KLHL20: variants seen among roughly 807,000 people sequenced by gnomAD.
KLHL20 encodes kelch like family member 20, also known as kelch-like protein 20.
In KLHL20, 29 loss-of-function variants were observed where a neutral mutation model predicts 69.5. That is an observed-to-expected ratio of 0.42 (90% CI 0.31 to 0.57). KLHL20 has a LOEUF of 0.57. KLHL20 is among the 20% of genes least tolerant of loss of function. The probability of loss-of-function intolerance (pLI) is 0.18; values close to 1 mark genes in which losing one functional copy is unlikely to be tolerated. For synonymous variants in KLHL20, 253 were observed against 265.2 expected (o/e 0.95, Z 0.45); for missense variants, 419 against 776.0 (o/e 0.54, Z 5.47).
rs539825263 is a variant in KLHL20 at position 173,751,099 on chromosome 1, G to C, written c.598-665G>C. Among the ~76,000 whole-genome samples, 9 of 152,194 alleles carry C rather than the reference G, an allele frequency of 5.9e-5. No homozygotes were observed. The East Asian group carries it at 1.7e-3, about 29-fold the overall frequency. On this transcript the variant is annotated intron_variant, in intron 3 of 11. Transcript: ENST00000209884. ...GTTTCTTTCCTCTGCGTTGCACCCTGTCCCTTTTACTCTACATTCTGATGA... is the reference window on the plus strand; with the variant it reads ...GTTTCTTTCCTCTGCGTTGCACCCTCTCCCTTTTACTCTACATTCTGATGA...
chr1:173,745,978 T>G (rs1673041651), intron 3 of KLHL20, among the ~76,000 whole-genome samples: 2 of 152,264 alleles, frequency 1.3e-5, no homozygotes, highest in South Asian at 4.1e-4. Context: ...AAAAAAAGTA[T>G]TCATGTCCAA....
chr1:173,747,454 T>C (rs895956842), intron 3 of KLHL20, among the ~76,000 whole-genome samples: 9 of 152,084 alleles, frequency 5.9e-5, no homozygotes, highest in African/African-American at 1.9e-4. Context: ...TTGTCTGATA[T>C]CTGGATTTCA....
At chr1:173,776,150 C>CATTGTA (rs1255917466) in intron 10 of KLHL20, among the ~76,000 whole-genome samples, 1 of 152,174 alleles carries the variant, frequency 6.6e-6, no homozygotes, top group East Asian at 1.9e-4. Flanking sequence ...GATGACATCT[C>CATTGTA]ATTGTAATTT....
chr1:173,734,747 C>T (rs1347540046), intron 3 of KLHL20, among the ~76,000 whole-genome samples: 2 of 152,048 alleles, frequency 1.3e-5, no homozygotes, highest in Non-Finnish European at 2.9e-5. Context: ...CTATCTTTCC[C>T]TTATTTATTT....
intron 3 of KLHL20, among the ~76,000 whole-genome samples, chr1:173,744,467 A>G (rs752150361): frequency 3.9e-5 from 6 of 151,938 alleles, no homozygotes. Context: ...TGTATTTTTG[A>G]TAATACAAAA....
intron 3 of KLHL20, among the ~76,000 whole-genome samples, chr1:173,738,627 G>A (rs1042577789): frequency 6.6e-6 from 1 of 152,154 alleles, no homozygotes; most frequent in African/African-American, 2.4e-5. Flanking sequence ...TTGGCTGCAG[G>A]TTTGTCATAG....
At chr1:173,758,236 A>C (rs1476929445) in intron 7 of KLHL20, among the ~76,000 whole-genome samples, 1 of 151,706 alleles carries the variant, frequency 6.6e-6, no homozygotes, top group Non-Finnish European at 1.5e-5. Context: ...GCGCCATTGC[A>C]CTCTAGTCTG....
intron 3 of KLHL20, among the ~76,000 whole-genome samples, chr1:173,745,804 G>A (rs1157200086): frequency 6.6e-6 from 1 of 152,038 alleles, no homozygotes; most frequent in Non-Finnish European, 1.5e-5. Flanking sequence ...GAATGCCTCT[G>A]GTGTTTTCCC....
intron 5 of KLHL20, among the ~76,000 whole-genome samples, 189 bp from the exon 6 acceptor site, chr1:173,755,734 A>T (rs1023094459): frequency 6.6e-6 from 1 of 152,228 alleles, no homozygotes; most frequent in Non-Finnish European, 1.5e-5. Flanking sequence ...ATACCAATCA[A>T]TTCACAACTC....
intron 3 of KLHL20, among the ~76,000 whole-genome samples, chr1:173,742,766 G>C (rs544516187): frequency 3.3e-5 from 5 of 150,314 alleles, no homozygotes; most frequent in African/African-American, 1.2e-4. Flanking sequence ...ATATATACAC[G>C]TATATTTCAG....
intron 2 of KLHL20, among the ~76,000 whole-genome samples, chr1:173,720,672 G>A (rs1387818024): frequency 6.6e-6 from 1 of 152,100 alleles, no homozygotes; most frequent in African/African-American, 2.4e-5. Flanking sequence ...TGGCAGTGAG[G>A]GTTGAGAGAA....
At chr1:173,759,354 C>T (rs527684362) in intron 7 of KLHL20, among the ~76,000 whole-genome samples, 1 of 152,254 alleles carries the variant, frequency 6.6e-6, no homozygotes, top group South Asian at 2.1e-4. Context: ...ACCCCACCTA[C>T]CACCAGTCTC....
intron 2 of KLHL20, 132 bp downstream of exon 2, chr1:173,716,198 C>G: frequency 1.3e-6 from 1 of 746,224 alleles, no homozygotes; most frequent in Non-Finnish European, 2.2e-6. Flanking sequence ...TACAATAAAT[C>G]AAAAGTAATA....
intron 3 of KLHL20, among the ~76,000 whole-genome samples, chr1:173,740,336 T>G (rs1477053364): frequency 1.3e-5 from 2 of 151,706 alleles, no homozygotes; most frequent in East Asian, 3.9e-4. Flanking sequence ...GGTCTTGATC[T>G]CCTGACCTCG....
At chr1:173,781,737 GGA>G (rs1223625285) in intron 10 of KLHL20, among the ~76,000 whole-genome samples, 1 of 152,100 alleles carries the variant, frequency 6.6e-6, no homozygotes. Context: ...CAAAGTGCTG[GGA>G]TTACAGGCAT....
intron 1 of KLHL20, 123 bp from the exon 2 acceptor site, chr1:173,715,880 T>A (rs1246293596): frequency 4.7e-6 from 3 of 636,660 alleles, no homozygotes; most frequent in Non-Finnish European, 8.3e-6. Context: ...GCAGAAGGCC[T>A]GTGGTATAAT....
At chr1:173,761,230 T>C (rs1234808635) in intron 7 of KLHL20, among the ~76,000 whole-genome samples, 1 of 152,092 alleles carries the variant, frequency 6.6e-6, no homozygotes, top group Non-Finnish European at 1.5e-5. Flanking sequence ...CTCCCAAACT[T>C]ATAAAACAAT....
At chr1:173,732,213 A>G (rs1457473521) in intron 2 of KLHL20, among the ~76,000 whole-genome samples, 1 of 151,368 alleles carries the variant, frequency 6.6e-6, no homozygotes, top group Non-Finnish European at 1.5e-5. Flanking sequence ...AAAAAAAACC[A>G]GTGTGATGGC....
chr1:173,715,557 A>C (rs1208305961), intron 1 of KLHL20: 1 of 154,202 alleles, frequency 6.5e-6, no homozygotes, highest in African/African-American at 2.4e-5. Context: ...TTGTTTGTAA[A>C]GGCAAATGCA....
Sources: gnomAD v4.1 joint callset for allele counts (sites outside exome capture counted in the v4.1 genomes callset) on GRCh38, gnomAD v4.1.1 for gene constraint, MANE v1.5 for transcripts, NCBI Gene and HGNC (gene_info 2026-07-23, HGNC 2026-07-21) for gene names.